Variants in GRIK2 observed in about 807,000 individuals in gnomAD.
GRIK2 encodes the protein glutamate receptor ionotropic, kainate 2.
GRIK2 carries 32 observed loss-of-function variants against 100.3 expected under a neutral mutation model. The observed-to-expected ratio is 0.32, with a 90% CI of 0.24 to 0.43. GRIK2 has a LOEUF of 0.43. Among genes scored for constraint, GRIK2 ranks in the 20% least tolerant of loss-of-function variants. GRIK2 has a pLI of 1.00. For synonymous variants in GRIK2, 417 were observed against 389.4 expected (o/e 1.07, Z -0.83); for missense variants, 843 against 1,114.9 (o/e 0.76, Z 3.47).
At chr6:101,624,816 C>G (rs1475490682) in intron 3 of GRIK2, among the ~76,000 whole-genome samples, 2 of 152,272 alleles carry the variant, frequency 1.3e-5, no homozygotes, top group East Asian at 3.9e-4. Context: ...ACTGCAACCT[C>G]AATGTCCCAG....
chr6:102,041,102 T>TAAG (rs1488565251), intron 15 of GRIK2, among the ~76,000 whole-genome samples: 1 of 151,616 alleles, frequency 6.6e-6, no homozygotes, highest in Non-Finnish European at 1.5e-5. Flanking sequence ...AGCATCTCAA[T>TAAG]AAGTTATGCC....
At chr6:101,900,763 C>T (rs1787796008) in intron 12 of GRIK2, among the ~76,000 whole-genome samples, 3 of 151,976 alleles carry the variant, frequency 2.0e-5, no homozygotes, top group African/African-American at 7.2e-5. Flanking sequence ...TGCCTTATAT[C>T]TTGATGGTAG....
At chr6:101,583,578 C>CT (rs1433044653) in intron 2 of GRIK2, among the ~76,000 whole-genome samples, 7 of 152,040 alleles carry the variant, frequency 4.6e-5, no homozygotes, top group African/African-American at 1.7e-4. Context: ...AGATAGTGGA[C>CT]TTGCTACATG....
At chr6:101,677,918 A>G (rs1770957486) in intron 5 of GRIK2, among the ~76,000 whole-genome samples, 1 of 152,178 alleles carries the variant, frequency 6.6e-6, no homozygotes, top group South Asian at 2.1e-4. Flanking sequence ...TGATTTGAAA[A>G]ATTGCTATAG....
intron 11 of GRIK2, among the ~76,000 whole-genome samples, chr6:101,876,480 AACAAAC>A (rs1435990693): frequency 2.3e-4 from 12 of 52,120 alleles, no homozygotes; most frequent in Admixed American, 7.4e-4. Context: ...AGAAAACAAA[AACAAAC>A]ACACACACAC....
chr6:101,943,432 C>A (rs1791078137), intron 14 of GRIK2, among the ~76,000 whole-genome samples: 1 of 152,148 alleles, frequency 6.6e-6, no homozygotes, highest in Non-Finnish European at 1.5e-5. Context: ...GTCCTCCAGA[C>A]TCTAGAATAG....
intron 7 of GRIK2, among the ~76,000 whole-genome samples, chr6:101,786,449 T>A (rs771429561): frequency 6.6e-6 from 1 of 152,142 alleles, no homozygotes; most frequent in Non-Finnish European, 1.5e-5. Flanking sequence ...ATATGGCCTG[T>A]GTTATACTGA....
chr6:101,460,927 A>G (rs1771274134), intron 2 of GRIK2, among the ~76,000 whole-genome samples: 1 of 152,194 alleles, frequency 6.6e-6, no homozygotes, highest in African/African-American at 2.4e-5. Flanking sequence ...TCATTTTGTG[A>G]TGAAAGTTAG....
chr6:101,844,845 G>A (rs1783714291), intron 10 of GRIK2, among the ~76,000 whole-genome samples: 2 of 152,068 alleles, frequency 1.3e-5, no homozygotes. Context: ...CTTACATGAT[G>A]CAAAATTCAT....
chr6:101,933,787 A>G (rs1790441087), intron 14 of GRIK2, among the ~76,000 whole-genome samples: 1 of 152,006 alleles, frequency 6.6e-6, no homozygotes, highest in South Asian at 2.1e-4. Context: ...CAGGGCAGTC[A>G]AAGGTTTATT....
chr6:101,563,626 T>C (rs950651539), intron 2 of GRIK2, among the ~76,000 whole-genome samples: 3 of 152,190 alleles, frequency 2.0e-5, no homozygotes, highest in African/African-American at 7.2e-5. Context: ...TAAGTGAGAT[T>C]TGATAAATTA....
chr6:101,478,113 T>C (rs1772341733), intron 2 of GRIK2, among the ~76,000 whole-genome samples: 1 of 152,168 alleles, frequency 6.6e-6, no homozygotes, highest in Non-Finnish European at 1.5e-5. Flanking sequence ...TATATAATGT[T>C]AATGGAATTT....
intron 2 of GRIK2, among the ~76,000 whole-genome samples, chr6:101,519,346 T>TGTGTGTGTGTG (rs1774754815): frequency 1.4e-5 from 2 of 138,898 alleles, no homozygotes; most frequent in African/African-American, 5.2e-5. Flanking sequence ...TGTGTGTGTG[T>TGTGTGTGTGTG]TTGCGCTGGT....
At chr6:101,736,232 A>G (rs1382572627) in intron 7 of GRIK2, among the ~76,000 whole-genome samples, 1 of 152,190 alleles carries the variant, frequency 6.6e-6, no homozygotes, top group Non-Finnish European at 1.5e-5. Flanking sequence ...AGTGCACAGT[A>G]CAAACTGTCA....
At chr6:101,560,649 G>C (rs1458208853) in intron 2 of GRIK2, among the ~76,000 whole-genome samples, 3 of 151,370 alleles carry the variant, frequency 2.0e-5, no homozygotes, top group African/African-American at 7.2e-5. Context: ...TATTTCAGAA[G>C]ACATAATTTA....
intron 2 of GRIK2, among the ~76,000 whole-genome samples, chr6:101,558,103 A>G (rs920785614): frequency 5.9e-5 from 9 of 152,164 alleles, no homozygotes; most frequent in Admixed American, 2.0e-4. Flanking sequence ...CTAAAGTGCA[A>G]TTGTTTTTCT....
chr6:101,795,791 G>C (rs1034715988), intron 7 of GRIK2, among the ~76,000 whole-genome samples: 1 of 152,186 alleles, frequency 6.6e-6, no homozygotes, highest in African/African-American at 2.4e-5. Flanking sequence ...TAGTGCCAGG[G>C]GTGTGGGCCT....
At chr6:101,441,752 C>T (rs564327650) in intron 2 of GRIK2, among the ~76,000 whole-genome samples, 8 of 152,152 alleles carry the variant, frequency 5.3e-5, no homozygotes, top group South Asian at 4.1e-4. Flanking sequence ...GCATAACACC[C>T]GATAGGTAGT....
intron 2 of GRIK2, among the ~76,000 whole-genome samples, chr6:101,504,551 TA>T (rs1773924748): frequency 6.6e-6 from 1 of 151,684 alleles, no homozygotes; most frequent in Non-Finnish European, 1.5e-5. Context: ...TAAATTATAC[TA>T]GGGTGGCTAC....
Sources: gnomAD v4.1 joint callset for allele counts (sites outside exome capture counted in the v4.1 genomes callset) on GRCh38, gnomAD v4.1.1 for gene constraint, MANE v1.5 for transcripts, NCBI Gene and HGNC (gene_info 2026-07-23, HGNC 2026-07-21) for gene names.